Variants in BMPR1B observed in about 807,000 individuals in gnomAD.
BMPR1B encodes the protein bone morphogenetic protein receptor type-1B.
In BMPR1B, 12 loss-of-function variants were observed where a neutral mutation model predicts 59.1. That is an observed-to-expected ratio of 0.20 (90% confidence interval 0.13 to 0.33). BMPR1B has a LOEUF of 0.33. BMPR1B is among the 10% of genes least tolerant of loss of function. The pLI is 1.00. For synonymous variants in BMPR1B, 237 were observed against 207.3 expected (o/e 1.14, Z -1.23); for missense variants, 550 against 610.9 (o/e 0.90, Z 1.05).
intron 3 of BMPR1B, among the ~76,000 whole-genome samples, chr4:94,998,712 T>A (rs1317547358): frequency 1.3e-5 from 2 of 152,158 alleles, no homozygotes; most frequent in Non-Finnish European, 2.9e-5. Context: ...TCCACCCTGA[T>A]GAACCCATTG....
At chr4:95,137,248 G>A (rs1173524424) in intron 10 of BMPR1B, among the ~76,000 whole-genome samples, 3 of 152,178 alleles carry the variant, frequency 2.0e-5, no homozygotes, top group African/African-American at 7.2e-5. Context: ...CTGAGTTCTA[G>A]TTTGATTGCA....
At chr4:94,848,132 G>A (rs1255167485) in intron 1 of BMPR1B, among the ~76,000 whole-genome samples, 1 of 152,152 alleles carries the variant, frequency 6.6e-6, no homozygotes, top group Admixed American at 6.6e-5. Context: ...TACAGGTGTA[G>A]TATTGGTAAG....
At chr4:95,024,812 A>G (rs572105955) in intron 3 of BMPR1B, among the ~76,000 whole-genome samples, 29 of 152,304 alleles carry the variant, frequency 1.9e-4, no homozygotes, top group Non-Finnish European at 3.7e-4. Context: ...CCAAAAAATG[A>G]AAATAAAAGG....
chr4:94,889,050 G>A (rs1727291502), intron 2 of BMPR1B, among the ~76,000 whole-genome samples: 2 of 151,784 alleles, frequency 1.3e-5, no homozygotes, highest in Non-Finnish European at 2.9e-5. Context: ...ATATACTGGA[G>A]CCTCAAAGAA....
chr4:95,079,984 T>C (rs1729000663), intron 3 of BMPR1B, among the ~76,000 whole-genome samples: 1 of 152,194 alleles, frequency 6.6e-6, no homozygotes, highest in Non-Finnish European at 1.5e-5. Context: ...CAATACTTCA[T>C]AACTGGCTGA....
intron 2 of BMPR1B, among the ~76,000 whole-genome samples, chr4:94,918,184 T>G (rs981523195): frequency 3.3e-5 from 5 of 152,162 alleles, no homozygotes; most frequent in Admixed American, 2.6e-4. Context: ...AATACAAGTT[T>G]TTTTTCAATT....
At chr4:95,066,869 A>G (rs888358688) in intron 3 of BMPR1B, among the ~76,000 whole-genome samples, 3 of 152,182 alleles carry the variant, frequency 2.0e-5, no homozygotes, top group Non-Finnish European at 2.9e-5. Context: ...TGGTTTTTCA[A>G]TGGCAGGTGA....
At chr4:95,086,020 AG>A (rs1460142991) in intron 3 of BMPR1B, among the ~76,000 whole-genome samples, 2 of 145,098 alleles carry the variant, frequency 1.4e-5, no homozygotes, top group Non-Finnish European at 3.0e-5. Flanking sequence ...TGTAAAAAGG[AG>A]GGTTTATAAA....
chr4:94,855,453 T>C (rs936043615), intron 1 of BMPR1B, among the ~76,000 whole-genome samples: 5 of 152,244 alleles, frequency 3.3e-5, no homozygotes, highest in Non-Finnish European at 7.3e-5. Flanking sequence ...ATGACTCTTT[T>C]CAGATGTTTT....
At chr4:95,070,501 A>G (rs1442751884) in intron 3 of BMPR1B, among the ~76,000 whole-genome samples, 1 of 152,152 alleles carries the variant, frequency 6.6e-6, no homozygotes, top group Non-Finnish European at 1.5e-5. Context: ...AAAGAAGAGT[A>G]ACTTCAGAGT....
chr4:94,803,707 A>G (rs963706363), intron 1 of BMPR1B, among the ~76,000 whole-genome samples: 2 of 152,104 alleles, frequency 1.3e-5, no homozygotes, highest in African/African-American at 4.8e-5. Flanking sequence ...TCTTGTTTTG[A>G]TGCAGTATCT....
chr4:95,037,183 A>T (rs1725317008), intron 3 of BMPR1B, among the ~76,000 whole-genome samples: 1 of 152,116 alleles, frequency 6.6e-6, no homozygotes, highest in Non-Finnish European at 1.5e-5. Flanking sequence ...TCCCAGCATT[A>T]GAAAATGCCC....
intron 1 of BMPR1B, among the ~76,000 whole-genome samples, chr4:94,873,045 C>G (rs1726564314): frequency 6.6e-6 from 1 of 152,150 alleles, no homozygotes; most frequent in Non-Finnish European, 1.5e-5. Context: ...TGTACTATAT[C>G]TAGAAATAAT....
At chr4:95,099,174 G>A (rs959176676) in intron 3 of BMPR1B, among the ~76,000 whole-genome samples, 8 of 152,164 alleles carry the variant, frequency 5.3e-5, no homozygotes, top group African/African-American at 1.2e-4. Context: ...CTACCAAGCC[G>A]TAGTCATTGA....
chr4:94,804,518 A>C (rs1309283931), intron 1 of BMPR1B, among the ~76,000 whole-genome samples: 1 of 151,970 alleles, frequency 6.6e-6, no homozygotes, highest in African/African-American at 2.4e-5. Context: ...TGGCCATGCC[A>C]GTTAGAGCCT....
At chr4:95,131,088 C>T (rs1488419824) in intron 9 of BMPR1B, 127 bp from the exon 10 acceptor site, 1 of 955,484 alleles carries the variant, frequency 1.0e-6, no homozygotes, top group Non-Finnish European at 1.6e-6. Context: ...CCATCATAGG[C>T]ATAGTCAGGA....
chr4:95,109,223 G>T (rs1167627819), intron 4 of BMPR1B, among the ~76,000 whole-genome samples: 2 of 152,078 alleles, frequency 1.3e-5, no homozygotes, highest in Non-Finnish European at 2.9e-5. Context: ...TTCTTACCAA[G>T]AATTCTCCTG....
intron 2 of BMPR1B, among the ~76,000 whole-genome samples, chr4:94,897,027 T>G (rs542705540): frequency 6.6e-6 from 1 of 152,164 alleles, no homozygotes; most frequent in East Asian, 1.9e-4. Context: ...AAGCCTGAGA[T>G]ATTTTTCCTC....
chr4:95,119,394 C>T (rs1379365199), intron 6 of BMPR1B, among the ~76,000 whole-genome samples: 1 of 151,930 alleles, frequency 6.6e-6, no homozygotes, highest in African/African-American at 2.4e-5. Context: ...CTTTATATAA[C>T]CTAAGAGAGG....
Sources: allele counts gnomAD v4.1 joint callset (sites outside exome capture counted in the v4.1 genomes callset), GRCh38; gene constraint gnomAD v4.1.1; transcripts MANE v1.5; gene names NCBI Gene and HGNC (gene_info 2026-07-23, HGNC 2026-07-21).